The following FGF12 variants were observed in gnomAD, a reference collection of about 807,000 sequenced individuals.
The protein encoded by FGF12 is fibroblast growth factor 12, also known as fibroblast growth factor 12B.
In FGF12, 14 loss-of-function variants were observed where a neutral mutation model predicts 23.6. The ratio of observed to expected loss-of-function variants is 0.59; its 90% CI spans 0.39 to 0.93. The LOEUF (loss-of-function observed/expected upper bound fraction) is 0.93, where lower values mean the gene tolerates loss of function less well. FGF12 is among the 40% of genes least tolerant of loss of function. The pLI, the probability that FGF12 is intolerant of heterozygous loss-of-function variation, is 0.00. For synonymous variants in FGF12, 62 were observed against 77.3 expected (o/e 0.80, Z 1.04); for missense variants, 175 against 217.8 (o/e 0.80, Z 1.24).
At chr3:192,695,791 T>C (rs888711510) in intron 2 of FGF12, among the ~76,000 whole-genome samples, 1 of 152,178 alleles carries the variant, frequency 6.6e-6, no homozygotes, top group Non-Finnish European at 1.5e-5. Flanking sequence ...AGGCACTCAC[T>C]TTCTGCACGT....
chr3:192,339,952 T>C (rs1312526027), intron 3 of FGF12, among the ~76,000 whole-genome samples: 5 of 152,178 alleles, frequency 3.3e-5, no homozygotes, highest in Admixed American at 1.3e-4. Context: ...CTTGTTAGAA[T>C]GAAAGTTCTT....
intron 2 of FGF12, among the ~76,000 whole-genome samples, chr3:192,612,524 A>C (rs1714585725): frequency 6.6e-6 from 1 of 151,984 alleles, no homozygotes; most frequent in Admixed American, 6.6e-5. Flanking sequence ...GAGGCTGATT[A>C]AATACATTAT....
At chr3:192,522,697 A>G (rs1048764567) in intron 2 of FGF12, among the ~76,000 whole-genome samples, 49 of 152,356 alleles carry the variant, frequency 3.2e-4, no homozygotes, top group African/African-American at 1.2e-3. Context: ...TAGTGATACT[A>G]ATCTATCAAT....
chr3:192,170,473 G>T lies in FGF12; in HGVS notation c.412C>A (p.Pro138Thr). ...GGTTTCATACCTTCAATAGGTTTCG[G>T]TACAAAATGTGATGAGGGCTTGGTT... ...KKTKPSSHFV[P>T]KPIEVCMYRE... The change falls in exon 5 of 6, where the codon CCG becomes ACG. Residue 138 changes from proline to threonine, a missense_variant. Physicochemically the swap from Pro to Thr is conservative, Grantham distance 38. Coordinates refer to ENST00000445105, the MANE Select transcript of FGF12 (RefSeq NM_004113.6). 1.2e-6 allele frequency: 2 copies of T among 1,613,854 alleles called. No homozygotes were observed. Among genetic ancestry groups the T allele is most frequent in the South Asian group, 1.1e-5 (1 of 91,060 alleles).
chr3:192,196,100 G>A (rs1400798721), intron 4 of FGF12, among the ~76,000 whole-genome samples: 1 of 152,008 alleles, frequency 6.6e-6, no homozygotes. Flanking sequence ...ACATGAGTGC[G>A]ATAATGTGGT....
chr3:192,248,278 C>A (rs1206478357), intron 4 of FGF12, among the ~76,000 whole-genome samples: 1 of 152,144 alleles, frequency 6.6e-6, no homozygotes, highest in East Asian at 1.9e-4. Context: ...ACAACCTTGA[C>A]AATATGTTAT....
At chr3:192,293,389 C>T (rs985569954) in intron 4 of FGF12, among the ~76,000 whole-genome samples, 17 of 150,308 alleles carry the variant, frequency 1.1e-4, no homozygotes, top group African/African-American at 3.9e-4. Context: ...CTTTCCAGTG[C>T]TAAATTTGAA....
At chr3:192,416,038 C>T (rs1721343157) in intron 2 of FGF12, among the ~76,000 whole-genome samples, 1 of 151,978 alleles carries the variant, frequency 6.6e-6, no homozygotes, top group Non-Finnish European at 1.5e-5. Flanking sequence ...TTACAGCACC[C>T]AGCACATGAC....
intron 3 of FGF12, among the ~76,000 whole-genome samples, chr3:192,341,777 G>A (rs1278355949): frequency 6.6e-6 from 1 of 152,090 alleles, no homozygotes; most frequent in Non-Finnish European, 1.5e-5. Flanking sequence ...TATGCGAAAT[G>A]TCATTTTATT....
intron 4 of FGF12, among the ~76,000 whole-genome samples, chr3:192,318,093 A>G (rs1006578761): frequency 7.9e-5 from 12 of 152,182 alleles, no homozygotes; most frequent in Non-Finnish European, 1.8e-4. Context: ...ACAACACCCA[A>G]GTCCTTTTGA....
rs1465347444 is a variant in FGF12, at chr3:192,514,428, G to A, written c.14-153890C>T. Among the ~76,000 whole-genome samples, 1 of 152,180 alleles carries A rather than the reference G, an allele frequency of 6.6e-6. No homozygotes were observed. Among genetic ancestry groups the A allele is most frequent in the East Asian group, 1.9e-4 (1 of 5,172 alleles). On this transcript the variant is annotated intron_variant, in intron 2 of 5. Coordinates refer to ENST00000445105, the MANE Select transcript of FGF12 (RefSeq NM_004113.6). The surrounding 1 kb of genome is among the most constrained non-coding windows in gnomAD (Gnocchi z 4.9). Reference sequence around the variant, plus strand: ...GACCCGCAGGTTTCAGCCCAGGCGCGCCCGGCGAAAGCCAACGCGCTCTCC... The same window carrying A: ...GACCCGCAGGTTTCAGCCCAGGCGCACCCGGCGAAAGCCAACGCGCTCTCC...
chr3:192,260,547 T>C (rs529539735), intron 4 of FGF12, among the ~76,000 whole-genome samples: 30 of 152,292 alleles, frequency 2.0e-4, no homozygotes, highest in African/African-American at 7.0e-4. Context: ...CAAATCTCCA[T>C]ATGCAGAATT....
intron 4 of FGF12, among the ~76,000 whole-genome samples, chr3:192,205,424 C>T (rs578003394): frequency 9.9e-5 from 15 of 152,224 alleles, no homozygotes; most frequent in African/African-American, 2.6e-4. Flanking sequence ...CTTTGAGAGA[C>T]GCAGCGTTCC....
chr3:192,211,088 T>C lies in FGF12; in HGVS notation c.229-40432A>G, dbSNP rs576315694. On this transcript the variant is annotated intron_variant, in intron 4 of 5. Transcript: ENST00000445105. ...AGGCTCCAAGGGTGCAATGGTGGAT[T>C]CCCACCACTAAGGAGGATATTACAG... 3.3e-5 allele frequency among the ~76,000 whole-genome samples: 5 copies of C among 152,178 alleles called. No individual in the cohort carries two copies. In the South Asian group the frequency reaches 8.3e-4, roughly 25 times the overall value.
chr3:192,666,906 GGATAGATAGATGATAGATAGATA>G (rs1044123866), intron 2 of FGF12, among the ~76,000 whole-genome samples: 5 of 142,362 alleles, frequency 3.5e-5, no homozygotes, highest in Non-Finnish European at 7.6e-5. Flanking sequence ...ATGGATAGTT[GGATAGATAGATGATAGATAGATA>G]GATAGATAGA....
At position 192,345,541 on chromosome 3, in the gene FGF12, G is replaced by A. The variant is rs557979524; in HGVS notation, c.125-10077C>T. Among the ~76,000 whole-genome samples, 20 of 94,668 alleles carry A rather than the reference G, an allele frequency of 2.1e-4. 3 individuals are homozygous for A. Among genetic ancestry groups the A allele is most frequent in the South Asian group, 1.1e-3 (3 of 2,846 alleles). The allele number at this position is 94,668 out of a possible 152,430, so 62.1% of individuals were successfully genotyped here. On this transcript the variant is annotated intron_variant, in intron 3 of 5. Coordinates refer to ENST00000445105, the MANE Select transcript of FGF12 (RefSeq NM_004113.6). Reference sequence around the variant, plus strand: ...TCTCTACTAAAAATACAAAAAATTAGCCGGGCGTGGTAGCGGGCGCCTGTA... The same window carrying A: ...TCTCTACTAAAAATACAAAAAATTAACCGGGCGTGGTAGCGGGCGCCTGTA...
chr3:192,690,718 A>T (rs2108719336), intron 2 of FGF12, among the ~76,000 whole-genome samples: 1 of 152,140 alleles, frequency 6.6e-6, no homozygotes, highest in East Asian at 1.9e-4. Context: ...AATTACTTTA[A>T]ATGTAAGTGG....
intron 4 of FGF12, among the ~76,000 whole-genome samples, chr3:192,309,367 G>GA (rs776408887): frequency 3.3e-4 from 50 of 152,304 alleles, no homozygotes; most frequent in Admixed American, 2.6e-4. Flanking sequence ...CACATTTGAA[G>GA]AAACTGTGGC....
chr3:192,199,950 C>T (rs879503634), intron 4 of FGF12, among the ~76,000 whole-genome samples: 1 of 152,016 alleles, frequency 6.6e-6, no homozygotes, highest in Non-Finnish European at 1.5e-5. Context: ...ATTTTCAAGT[C>T]GATTTCTTAG....
Sources: allele counts gnomAD v4.1 joint callset (sites outside exome capture counted in the v4.1 genomes callset), GRCh38; gene constraint gnomAD v4.1.1; non-coding constraint Gnocchi (gnomAD v3.1); transcripts MANE v1.5; gene names NCBI Gene and HGNC (gene_info 2026-07-23, HGNC 2026-07-21).